The following SESTD1 variants were observed in gnomAD, a reference collection of about 807,000 sequenced individuals.
The protein encoded by SESTD1 is SEC14 and spectrin domain containing 1.
A neutral mutation model predicts 101.7 loss-of-function variants in SESTD1; 43 were observed. That is an observed-to-expected ratio of 0.42 (90% CI 0.33 to 0.55). SESTD1 has a LOEUF of 0.55. Ranked by LOEUF, SESTD1 falls within the 20% of genes least tolerant of loss-of-function variation. SESTD1 has a pLI of 0.07. For synonymous variants in SESTD1, 283 were observed against 286.8 expected (o/e 0.99, Z 0.13); for missense variants, 647 against 815.1 (o/e 0.79, Z 2.51).
chr2:179,127,974 C>T (rs7608882), intron 10 of SESTD1, among the ~76,000 whole-genome samples: 2 of 151,934 alleles, frequency 1.3e-5, no homozygotes, highest in Non-Finnish European at 2.9e-5. Context: ...TCTTTGAAGA[C>T]GTAATAGCAA....
At chr2:179,228,325 A>C (rs2046922287) in intron 1 of SESTD1, among the ~76,000 whole-genome samples, 1 of 152,172 alleles carries the variant, frequency 6.6e-6, no homozygotes, top group Non-Finnish European at 1.5e-5. Flanking sequence ...CCTCGATTAC[A>C]CATTTCACAT....
chr2:179,111,159 G>T (rs955369575), intron 17 of SESTD1, among the ~76,000 whole-genome samples: 1 of 152,162 alleles, frequency 6.6e-6, no homozygotes, highest in African/African-American at 2.4e-5. Flanking sequence ...TCTGCTACTA[G>T]CTGAATTTTG....
chr2:179,248,561 G>A (rs1055007995), intron 1 of SESTD1, among the ~76,000 whole-genome samples: 15 of 152,046 alleles, frequency 9.9e-5, no homozygotes, highest in African/African-American at 3.6e-4. Context: ...GGGATGGCAA[G>A]TTGATTGAAT....
At chr2:179,196,149 G>A (rs767396911) in intron 1 of SESTD1, among the ~76,000 whole-genome samples, 5 of 152,224 alleles carry the variant, frequency 3.3e-5, no homozygotes, top group Admixed American at 6.5e-5. Context: ...CGCAGGAAGC[G>A]CAAGGGGTCA....
At position 179,210,751 on chromosome 2, in the gene SESTD1, G is replaced by C. The variant is rs970652116; in HGVS notation, c.-25-18885C>G. The stretch of plus-strand genomic sequence containing the variant: ...TATACTGAACAGGGAAAACTTGAAA[G>C]CATTCCCCCTGAGAATTGGAACAAG... On this transcript the variant is annotated intron_variant, in intron 1 of 17. Transcript: ENST00000428443. Among the ~76,000 whole-genome samples, 7 of 134,356 alleles carry C rather than the reference G, an allele frequency of 5.2e-5. 2 individuals are homozygous for C. The highest frequency in any genetic ancestry group is 5.1e-4 in the Admixed American group (7 of 13,826). 88.1% of individuals were successfully genotyped at this position (134,356 alleles called of 152,430 possible). A position where few individuals can be genotyped will look rare whatever the true frequency, so the allele number is the denominator to read the frequency against.
chr2:179,169,223 T>G (rs1475541837), intron 5 of SESTD1, among the ~76,000 whole-genome samples: 1 of 151,988 alleles, frequency 6.6e-6, no homozygotes, highest in African/African-American at 2.4e-5. Context: ...ATTTTAAATA[T>G]AAAGAAGTTA....
At chr2:179,248,316 C>G (rs147655175) in intron 1 of SESTD1, among the ~76,000 whole-genome samples, 29 of 152,146 alleles carry the variant, frequency 1.9e-4, no homozygotes, top group African/African-American at 6.0e-4. Flanking sequence ...AAAGAAATCT[C>G]CAAGCCCAGG....
intron 1 of SESTD1, among the ~76,000 whole-genome samples, chr2:179,194,743 T>C (rs576484286): frequency 1.3e-5 from 2 of 152,310 alleles, no homozygotes; most frequent in East Asian, 1.9e-4. Flanking sequence ...TTGTAAATTA[T>C]GCCAAACTAA....
At chr2:179,188,890 C>T (rs182446146) in intron 2 of SESTD1, among the ~76,000 whole-genome samples, 259 of 152,094 alleles carry the variant, frequency 1.7e-3, no homozygotes, top group South Asian at 0.016. Flanking sequence ...GAAACTGAAG[C>T]CCTCAACAGC....
chr2:179,228,118 T>C (rs945091534), intron 1 of SESTD1, among the ~76,000 whole-genome samples: 23 of 152,302 alleles, frequency 1.5e-4, no homozygotes, highest in Non-Finnish European at 2.5e-4. Flanking sequence ...CAATAATCTA[T>C]GTATAGTCCC....
intron 1 of SESTD1, among the ~76,000 whole-genome samples, chr2:179,223,443 G>A (rs555863808): frequency 6.6e-6 from 1 of 151,970 alleles, no homozygotes; most frequent in African/African-American, 2.4e-5. Flanking sequence ...TTTCACCTTA[G>A]TAAAGCCATC....
intron 1 of SESTD1, among the ~76,000 whole-genome samples, chr2:179,203,326 A>G (rs2046545334): frequency 7.5e-6 from 1 of 134,028 alleles, no homozygotes; most frequent in Non-Finnish European, 1.6e-5. Flanking sequence ...GTCTTGGTAA[A>G]TCCCTTTAAA....
intron 1 of SESTD1, among the ~76,000 whole-genome samples, chr2:179,257,140 A>T (rs1398615888): frequency 5.9e-5 from 9 of 152,054 alleles, no homozygotes; most frequent in Non-Finnish European, 1.2e-4. Context: ...TTTTATTTAA[A>T]ATCAGGACAC....
At chr2:179,152,265 C>G (rs547660855) in intron 5 of SESTD1, among the ~76,000 whole-genome samples, 1 of 152,238 alleles carries the variant, frequency 6.6e-6, no homozygotes. Context: ...CCTAAGAAAG[C>G]TGAGGTTACA....
At chr2:179,195,857 A>AC (rs1347452686) in intron 1 of SESTD1, among the ~76,000 whole-genome samples, 3 of 152,134 alleles carry the variant, frequency 2.0e-5, no homozygotes, top group African/African-American at 7.2e-5. Flanking sequence ...TTTAAAAAAA[A>AC]AAAAAGACTT....
chr2:179,166,078 G>C (rs1271774437), intron 5 of SESTD1, among the ~76,000 whole-genome samples: 1 of 152,174 alleles, frequency 6.6e-6, no homozygotes, highest in Non-Finnish European at 1.5e-5. Context: ...CCTGATGCCA[G>C]CCAGGTAGGA....
chr2:179,152,455 G>C (rs1383455874), intron 5 of SESTD1, among the ~76,000 whole-genome samples: 1 of 152,100 alleles, frequency 6.6e-6, no homozygotes, highest in East Asian at 1.9e-4. Context: ...GCTAAAGTAT[G>C]AATTTTACTT....
At chr2:179,147,344 A>G (rs974028873) in intron 7 of SESTD1, among the ~76,000 whole-genome samples, 4 of 151,688 alleles carry the variant, frequency 2.6e-5, no homozygotes, top group Admixed American at 2.0e-4. Context: ...AAAACACTGA[A>G]CAAGATATGT....
intron 1 of SESTD1, among the ~76,000 whole-genome samples, chr2:179,239,638 G>GC (rs540975498): frequency 7.1e-4 from 108 of 152,204 alleles, no homozygotes; most frequent in African/African-American, 2.5e-3. Context: ...TTATTTCAGA[G>GC]CCCCCCAGGT....
Sources: gnomAD v4.1 joint callset for allele counts (sites outside exome capture counted in the v4.1 genomes callset) on GRCh38, gnomAD v4.1.1 for gene constraint, MANE v1.5 for transcripts, NCBI Gene and HGNC (gene_info 2026-07-23, HGNC 2026-07-21) for gene names.